Variants in AGO1 observed in about 807,000 individuals in gnomAD.
AGO1 encodes protein argonaute-1.
Under a neutral mutation model 109.2 loss-of-function variants are expected in AGO1, and 11 were observed. That is an observed-to-expected ratio of 0.10 (90% CI 0.06 to 0.17). The LOEUF (loss-of-function observed/expected upper bound fraction) is 0.17, where lower values mean the gene tolerates loss of function less well. Ranked by LOEUF, AGO1 falls within the 10% of genes least tolerant of loss-of-function variation. The pLI is 1.00. For synonymous variants in AGO1, 422 were observed against 418.6 expected (o/e 1.01, Z -0.10); for missense variants, 574 against 1,140.3 (o/e 0.50, Z 7.15).
chr1:35,896,395 A>G (rs1391600068), intron 8 of AGO1, among the ~76,000 whole-genome samples: 1 of 148,574 alleles, frequency 6.7e-6, no homozygotes, highest in African/African-American at 2.5e-5. Flanking sequence ...TTTTTTTGAG[A>G]CAGAGTCTCG....
At chr1:35,914,679 A>C (rs1037442897) in intron 14 of AGO1, among the ~76,000 whole-genome samples, 3 of 152,104 alleles carry the variant, frequency 2.0e-5, no homozygotes, top group Non-Finnish European at 2.9e-5. Flanking sequence ...TGTTTCTCTT[A>C]TCTCTCTCCT....
intron 11 of AGO1, among the ~76,000 whole-genome samples, chr1:35,903,591 C>T (rs1200887600): frequency 1.3e-5 from 2 of 151,998 alleles, no homozygotes; most frequent in Non-Finnish European, 2.9e-5. Flanking sequence ...TGCAGTGGTG[C>T]GTGCCTGTAG....
At chr1:35,892,788 T>A (rs1645245144) in intron 3 of AGO1, 111 bp downstream of exon 3, 2 of 1,518,542 alleles carry the variant, frequency 1.3e-6, no homozygotes, top group Non-Finnish European at 1.8e-6. Context: ...GCTGAGAAAG[T>A]ATGTTTTAGG....
chr1:35,881,984 G>C (rs1164376741), upstream of AGO1, among the ~76,000 whole-genome samples: 2 of 152,232 alleles, frequency 1.3e-5, no homozygotes. Flanking sequence ...CCATCAGAAT[G>C]GCAGTGAATC....
chr1:35,870,654 G>T (rs1438667135), intron 1 of AGO1, among the ~76,000 whole-genome samples: 8 of 152,068 alleles, frequency 5.3e-5, no homozygotes, highest in Non-Finnish European at 1.0e-4. Flanking sequence ...CCTCCCTACT[G>T]AGAGAGAAAA....
intron 12 of AGO1, among the ~76,000 whole-genome samples, chr1:35,912,596 G>A (rs150490388): frequency 5.7e-4 from 86 of 151,546 alleles, no homozygotes; most frequent in African/African-American, 1.6e-3. Flanking sequence ...TTTCTGAGAC[G>A]GAGTCTTGCT....
chr1:35,876,124 A>G (rs1255823228), intron 1 of AGO1, among the ~76,000 whole-genome samples: 2 of 152,244 alleles, frequency 1.3e-5, no homozygotes, highest in Non-Finnish European at 2.9e-5. Flanking sequence ...GGGGTTCAAG[A>G]CATCAGTGGA....
rs758952997 is a variant in AGO1, at chr1:35,888,493, C to T, written c.92C>T (p.Thr31Ile). 2 of 1,614,234 alleles carry T rather than the reference C, an allele frequency of 1.2e-6. No individual in the cohort carries two copies. Among genetic ancestry groups the T allele is most frequent in the Non-Finnish European group, 1.7e-6 (2 of 1,180,046 alleles). The change falls in exon 2 of 19, where the codon ACT (threonine) becomes ATT (isoleucine). Residue 31 changes from threonine to isoleucine, a missense_variant. Around this residue, in one of 8 missense-constraint regions of AGO1, gnomAD observed 89 missense variants for 109.6 expected, o/e 0.81. Coordinates refer to ENST00000373204, the MANE Select transcript of AGO1 (RefSeq NM_012199.5). This position sits in a 1 kb window ranked among gnomAD's most constrained non-coding sequence, Gnocchi z 4.1. ...GCACCTCGCCGGCCTGGCATTGGCA[C>T]TGTGGGGAAACCAATCAAGCTCCTG... ...FQAPRRPGIG[T>I]VGKPIKLLAN...
chr1:35,921,311 G>T lies in AGO1; in HGVS notation c.*1704G>T. 7.3e-6 allele frequency: 1 copy of T among 136,246 alleles called. No homozygotes were observed. Among genetic ancestry groups the T allele is most frequent in the African/African-American group, 2.8e-5 (1 of 36,032 alleles). 8.4% of individuals were successfully genotyped at this position (136,246 alleles called of 1,614,324 possible). A position where few individuals can be genotyped will look rare whatever the true frequency, so the allele number is the denominator to read the frequency against. On this transcript the variant is annotated 3_prime_UTR_variant, in exon 19 of 19. Coordinates refer to ENST00000373204, the MANE Select transcript of AGO1 (RefSeq NM_012199.5). ...TTTTTTTTTTTTTTTTTTGTCTTGAGACATGGGGTTTGGCTGTCTTGCAGG... is the reference window on the plus strand; with the variant it reads ...TTTTTTTTTTTTTTTTTTGTCTTGATACATGGGGTTTGGCTGTCTTGCAGG...
intron 7 of AGO1, 28 bp downstream of exon 7, chr1:35,894,430 CT>C: frequency 5.6e-6 from 9 of 1,608,638 alleles, no homozygotes; most frequent in Non-Finnish European, 7.7e-6. Flanking sequence ...CTGAGTCATA[CT>C]TTGTTGGTGG....
At chr1:35,889,074 G>C (rs1376000281) in intron 2 of AGO1, among the ~76,000 whole-genome samples, 1 of 150,952 alleles carries the variant, frequency 6.6e-6, no homozygotes, top group Non-Finnish European at 1.5e-5. Context: ...TCCTTGATGA[G>C]GCAGAAGGAC....
intron 11 of AGO1, among the ~76,000 whole-genome samples, chr1:35,902,999 CTTTTT>C (rs899277604): frequency 9.2e-6 from 1 of 108,806 alleles, no homozygotes. Flanking sequence ...CACCTGGAGT[CTTTTT>C]TTTTTTTTTT....
rs538623213 is a variant in AGO1, at chr1:35,889,287, C to T, written c.209+677C>T. Reference sequence around the variant, plus strand: ...GGAGTGCAATGGCGCGATCTCAACTCACTGCAACCTCTGTCTCCCAGCTTT... The same window carrying T: ...GGAGTGCAATGGCGCGATCTCAACTTACTGCAACCTCTGTCTCCCAGCTTT... On this transcript the variant is annotated intron_variant, in intron 2 of 18. Coordinates refer to ENST00000373204, the MANE Select transcript of AGO1 (RefSeq NM_012199.5). Among the ~76,000 whole-genome samples the T allele has an allele frequency of 2.7e-5, 4 of 148,626 alleles. No homozygotes were observed. The South Asian group carries it at 8.5e-4, about 32-fold the overall frequency.
At chr1:35,903,836 G>A (rs916519349) in intron 11 of AGO1, among the ~76,000 whole-genome samples, 1 of 151,852 alleles carries the variant, frequency 6.6e-6, no homozygotes, top group African/African-American at 2.4e-5. Flanking sequence ...GGTGGCGCGT[G>A]CCTGTAGTCC....
chr1:35,882,969 A>C, upstream of AGO1: 1 of 950,560 alleles, frequency 1.1e-6, no homozygotes, highest in South Asian at 4.9e-5. The surrounding 1 kb of genome is among the most constrained non-coding windows in gnomAD (Gnocchi z 5.1). Flanking sequence ...GAAAAGACAC[A>C]GGGCTGAAGG....
Position 35,893,316 on chromosome 1 carries a change from G to A in AGO1, c.512+38G>A. On this transcript the variant is annotated intron_variant, in intron 4 of 18. Transcript: ENST00000373204. This position sits in a 1 kb window ranked among gnomAD's most constrained non-coding sequence, Gnocchi z 5.6. ...GTTAGTATCTGGGCTACTAGTGTTG[G>A]CAGAACTGCTGTCAGGGGAGGAGGG... 1 of 1,589,570 alleles carries A rather than the reference G, an allele frequency of 6.3e-7. No homozygotes were observed. The highest frequency in any genetic ancestry group is 8.6e-7 in the Non-Finnish European group (1 of 1,163,114).
Position 35,902,084 on chromosome 1 carries a change from G to C in AGO1, c.1263+14G>C. The C allele has an allele frequency of 6.3e-7, 1 of 1,594,746 alleles. No individual in the cohort carries two copies. Among genetic ancestry groups the C allele is most frequent in the South Asian group, 1.1e-5 (1 of 87,982 alleles). On this transcript the variant is annotated intron_variant, in intron 10 of 18. Coordinates refer to ENST00000373204, the MANE Select transcript of AGO1 (RefSeq NM_012199.5). ...TACGGCGGCCGGGTGAGCAGGGTCA[G>C]GGCCAGACAACATCTCGGGGCATAT...
chr1:35,915,261 T>C, intron 14 of AGO1, 87 bp from the exon 15 acceptor site: 1 of 1,217,056 alleles, frequency 8.2e-7, no homozygotes, highest in Non-Finnish European at 1.2e-6. Flanking sequence ...AGTTGTAGTT[T>C]TCTTGCTAAG....
In AGO1 at chr1:35,925,382, GAATA is replaced by G. The variant is rs1317146102; in HGVS notation, c.*5778_*5781del. On this transcript the variant is annotated 3_prime_UTR_variant, in exon 19 of 19. Coordinates refer to ENST00000373204, the MANE Select transcript of AGO1 (RefSeq NM_012199.5). ...CACCAATTAGGAGATAATTGTAAAA[GAATA>G]AACAAAACCTAATTTTGTTCCTAGC... The G allele has an allele frequency of 6.7e-6, 1 of 149,384 alleles. No individual in the cohort carries two copies. Among genetic ancestry groups the G allele is most frequent in the East Asian group, 2.0e-4 (1 of 5,112 alleles). 9.3% of individuals were successfully genotyped at this position (149,384 alleles called of 1,614,324 possible).
Sources: allele counts gnomAD v4.1 joint callset (sites outside exome capture counted in the v4.1 genomes callset), GRCh38; gene constraint gnomAD v4.1.1; regional missense constraint gnomAD v4.1.1; non-coding constraint Gnocchi (gnomAD v3.1); transcripts MANE v1.5; gene names NCBI Gene and HGNC (gene_info 2026-07-23, HGNC 2026-07-21).